PRKCE: variants seen among roughly 807,000 people sequenced by gnomAD.
PRKCE encodes protein kinase C epsilon.
In PRKCE, 16 loss-of-function variants were observed where a neutral mutation model predicts 85.4. That is an observed-to-expected ratio of 0.19 (90% CI 0.13 to 0.28). The LOEUF (loss-of-function observed/expected upper bound fraction) is 0.28, where lower values mean the gene tolerates loss of function less well. Among genes scored for constraint, PRKCE ranks in the 10% least tolerant of loss-of-function variants. The pLI, the probability that PRKCE is intolerant of heterozygous loss-of-function variation, is 1.00. For synonymous variants in PRKCE, 388 were observed against 371.5 expected (o/e 1.04, Z -0.51); for missense variants, 573 against 975.2 (o/e 0.59, Z 5.49).
chr2:45,980,426 C>A (rs1331852638), intron 5 of PRKCE, 45 bp downstream of exon 5: 11 of 1,552,254 alleles, frequency 7.1e-6, no homozygotes, highest in Non-Finnish European at 9.7e-6. Flanking sequence ...TCACCGCCAG[C>A]CCCTCCCTTC....
chr2:45,979,075 T>C (rs1702682083), intron 4 of PRKCE, 65 bp downstream of exon 4: 2 of 1,485,540 alleles, frequency 1.3e-6, no homozygotes, highest in African/African-American at 1.4e-5. Flanking sequence ...CTGGCACCCA[T>C]AGGAGGCAGG....
chr2:45,761,661 C>T (rs552034872), intron 1 of PRKCE, among the ~76,000 whole-genome samples: 1 of 152,220 alleles, frequency 6.6e-6, no homozygotes, highest in East Asian at 1.9e-4. Context: ...TCTCCCTCTC[C>T]CCTCTCGCAC....
At chr2:46,088,431 C>T (rs1036581498) in intron 11 of PRKCE, among the ~76,000 whole-genome samples, 5 of 152,154 alleles carry the variant, frequency 3.3e-5, no homozygotes, top group Admixed American at 6.5e-5. Context: ...GTGAAGAAAT[C>T]GCAATTTGAG....
At chr2:46,079,322 A>T (rs1668845802) in intron 10 of PRKCE, among the ~76,000 whole-genome samples, 1 of 152,198 alleles carries the variant, frequency 6.6e-6, no homozygotes, top group Non-Finnish European at 1.5e-5. Flanking sequence ...TCACAGTCTG[A>T]TTGGATACAG....
chr2:45,878,934 T>C (rs1694676853), intron 2 of PRKCE, among the ~76,000 whole-genome samples: 1 of 152,236 alleles, frequency 6.6e-6, no homozygotes, highest in African/African-American at 2.4e-5. Context: ...AGACATCTTT[T>C]TAAATTGACA....
chr2:45,761,195 T>C (rs187041084), intron 1 of PRKCE, among the ~76,000 whole-genome samples: 1,644 of 151,768 alleles, frequency 0.011, 24 homozygotes, highest in African/African-American at 0.036. Flanking sequence ...AGTGTGGTGG[T>C]GGGCGCCTGT....
chr2:45,899,628 C>G (rs1573801419), intron 2 of PRKCE, among the ~76,000 whole-genome samples: 1 of 152,290 alleles, frequency 6.6e-6, no homozygotes, highest in Middle Eastern at 3.4e-3. Context: ...TGCAATCTGC[C>G]TGCTTCGGCC....
intron 10 of PRKCE, among the ~76,000 whole-genome samples, chr2:46,081,329 T>C (rs549162895): frequency 2.8e-4 from 43 of 152,326 alleles, no homozygotes; most frequent in Non-Finnish European, 5.1e-4. Flanking sequence ...CTAACCTTTT[T>C]TGTTCTTCTA....
At chr2:46,060,809 T>C (rs1469762725) in intron 10 of PRKCE, among the ~76,000 whole-genome samples, 1 of 151,832 alleles carries the variant, frequency 6.6e-6, no homozygotes, top group East Asian at 1.9e-4. Context: ...TCACCCAGGC[T>C]GTAGTGCAGT....
chr2:45,915,638 T>C (rs765609630), intron 2 of PRKCE, among the ~76,000 whole-genome samples: 1 of 152,244 alleles, frequency 6.6e-6, no homozygotes, highest in Non-Finnish European at 1.5e-5. Flanking sequence ...CTCAAAGTTC[T>C]ATCAAATTCG....
intron 1 of PRKCE, among the ~76,000 whole-genome samples, chr2:45,775,362 G>T (rs531779151): frequency 1.3e-5 from 2 of 152,146 alleles, no homozygotes; most frequent in African/African-American, 2.4e-5. Flanking sequence ...CACGCAGTCC[G>T]CCCGTTCTCA....
chr2:46,048,020 A>G (rs1029276866), intron 10 of PRKCE, among the ~76,000 whole-genome samples: 3 of 152,318 alleles, frequency 2.0e-5, no homozygotes, highest in African/African-American at 7.2e-5. Flanking sequence ...ATTATCATCA[A>G]TAGTTATCAA....
At position 46,155,201 on chromosome 2, in the gene PRKCE, G is replaced by T. The variant is rs1331407375; in HGVS notation, c.1920+3972G>T. On this transcript the variant is annotated intron_variant, in intron 13 of 14. Transcript: ENST00000306156. The surrounding 1 kb of genome is among the most constrained non-coding windows in gnomAD (Gnocchi z 4.7). ...AGAAGCACGAAATCCAGATTTTTAT[G>T]TAAAAATCTCGAAACATTAAATGAT... 1.3e-5 allele frequency among the ~76,000 whole-genome samples: 2 copies of T among 152,074 alleles called. No individual in the cohort carries two copies. The highest frequency in any genetic ancestry group is 2.9e-5 in the Non-Finnish European group (2 of 68,020).
chr2:45,715,086 C>G (rs1216551730), intron 1 of PRKCE, among the ~76,000 whole-genome samples: 2 of 152,242 alleles, frequency 1.3e-5, no homozygotes, highest in Non-Finnish European at 2.9e-5. Flanking sequence ...TTTCCACAGG[C>G]AGGCAGGCAA....
chr2:46,095,952 T>C (rs1183421701), intron 11 of PRKCE, among the ~76,000 whole-genome samples: 1 of 152,244 alleles, frequency 6.6e-6, no homozygotes, highest in Non-Finnish European at 1.5e-5. Flanking sequence ...ACACCAACCT[T>C]ATACAGTAGA....
At chr2:46,150,992 T>C (rs780157024) in intron 12 of PRKCE, 49 bp from the exon 13 acceptor site, 16 of 1,541,192 alleles carry the variant, frequency 1.0e-5, no homozygotes, top group Non-Finnish European at 1.4e-5. Context: ...CGGGTGTCAC[T>C]GGGGTGGGAG....
At chr2:45,999,071 C>T (rs202073861) in intron 6 of PRKCE, among the ~76,000 whole-genome samples, 1 of 152,148 alleles carries the variant, frequency 6.6e-6, no homozygotes, top group East Asian at 1.9e-4. Flanking sequence ...ATAATCAGCA[C>T]ATTACTAATA....
chr2:45,923,491 C>T (rs79988922), intron 2 of PRKCE, among the ~76,000 whole-genome samples: 1,785 of 152,292 alleles, frequency 0.012, 14 homozygotes, highest in African/African-American at 0.013. Context: ...CTGAAATTGC[C>T]ATTTGGAGAC....
At chr2:45,676,917 G>C (rs953858488) in intron 1 of PRKCE, 1 of 152,232 alleles carries the variant, frequency 6.6e-6, no homozygotes, top group Admixed American at 6.5e-5. Flanking sequence ...GAGGGCTCAT[G>C]CTCCAATTGG....
Sources: gnomAD v4.1 joint callset for allele counts (sites outside exome capture counted in the v4.1 genomes callset) on GRCh38, gnomAD v4.1.1 for gene constraint, Gnocchi (gnomAD v3.1) non-coding constraint, MANE v1.5 for transcripts, NCBI Gene and HGNC (gene_info 2026-07-23, HGNC 2026-07-21) for gene names.